HUNK: variants seen among roughly 807,000 people sequenced by gnomAD.
HUNK encodes hormonally up-regulated neu tumor-associated kinase.
Under a neutral mutation model 61.0 loss-of-function variants are expected in HUNK, and 21 were observed. The observed-to-expected ratio is 0.34, with a 90% CI of 0.24 to 0.50. The LOEUF is 0.50. HUNK is among the 20% of genes least tolerant of loss of function. The pLI is 0.98. For missense variants in HUNK, 772 were observed against 945.7 expected (o/e 0.82, Z 2.41); for synonymous variants, 371 against 386.1 (o/e 0.96, Z 0.46).
intron 2 of HUNK, among the ~76,000 whole-genome samples, chr21:31,927,181 C>G (rs2052666772): frequency 6.6e-6 from 1 of 151,954 alleles, no homozygotes; most frequent in South Asian, 2.1e-4. Flanking sequence ...GCTGGGATTA[C>G]AGGCACGTGC....
At chr21:31,960,389 T>G (rs2052919087) in intron 5 of HUNK, among the ~76,000 whole-genome samples, 2 of 152,202 alleles carry the variant, frequency 1.3e-5, no homozygotes, top group South Asian at 4.1e-4. Context: ...AGGTTTTTTT[T>G]TTTTTAACAA....
chr21:31,992,042 A>G (rs1220916729), intron 9 of HUNK, among the ~76,000 whole-genome samples: 3 of 152,222 alleles, frequency 2.0e-5, no homozygotes, highest in Non-Finnish European at 4.4e-5. Flanking sequence ...CCAACACATT[A>G]TGGAGAGAGC....
chr21:31,893,093 C>A (rs1408514407), intron 1 of HUNK, among the ~76,000 whole-genome samples: 1 of 152,088 alleles, frequency 6.6e-6, no homozygotes, highest in East Asian at 1.9e-4. Flanking sequence ...GACAGAGTAG[C>A]AGGAGGAAAA....
chr21:31,974,869 C>T (rs2053037847), intron 7 of HUNK, 152 bp downstream of exon 7: 3 of 694,262 alleles, frequency 4.3e-6, no homozygotes, highest in Non-Finnish European at 6.7e-6. Context: ...AAAGTCGTAG[C>T]TAAACCTGCT....
chr21:31,966,366 A>G (rs1051549319), intron 5 of HUNK, among the ~76,000 whole-genome samples: 2 of 152,086 alleles, frequency 1.3e-5, no homozygotes, highest in Non-Finnish European at 2.9e-5. Flanking sequence ...TATTTTTGCA[A>G]TTGTGAATTG....
Position 31,873,696 on chromosome 21 carries a change from G to T in HUNK, c.22G>T (p.Gly8Trp). 1 of 1,106,328 alleles carries T rather than the reference G, an allele frequency of 9.0e-7. No individual in the cohort carries two copies. The highest frequency in any genetic ancestry group is 1.1e-6 in the Non-Finnish European group (1 of 907,954). The allele number at this position is 1,106,328 out of a possible 1,614,324, so 68.5% of individuals were successfully genotyped here. Residue 8 changes from glycine (G) to tryptophan (W), a missense_variant, in exon 1 of 11, where the codon GGG becomes TGG. Around this residue, in one of 2 missense-constraint regions of HUNK, gnomAD observed 359 missense variants for 501.3 expected, o/e 0.72. Transcript: ENST00000270112. This position sits in a 1 kb window ranked among gnomAD's most constrained non-coding sequence, Gnocchi z 6.1. ...CGCGATGCCGGCGGCGGCGGGGGAC[G>T]GGCTCCTGGGGGAGCCGGCGGCGCC... MPAAAGD[G>W]LLGEPAAPGG...
chr21:31,987,312 A>T (rs756717090), intron 8 of HUNK, among the ~76,000 whole-genome samples: 3 of 152,180 alleles, frequency 2.0e-5, no homozygotes, highest in African/African-American at 4.8e-5. Context: ...AGTCCAGGGG[A>T]TGCAGAATTC....
At chr21:31,905,848 C>T (rs936098791) in intron 1 of HUNK, among the ~76,000 whole-genome samples, 5 of 152,188 alleles carry the variant, frequency 3.3e-5, no homozygotes, top group South Asian at 2.1e-4. Flanking sequence ...AAGGAAGCCT[C>T]GTGTTCTCAT....
In HUNK at chr21:31,939,399, G is replaced by GTTTTTTTTT. The variant is rs398036365; in HGVS notation, c.555-748_555-740dup. On this transcript the variant is annotated intron_variant, in intron 2 of 10. Coordinates refer to ENST00000270112, the MANE Select transcript of HUNK (RefSeq NM_014586.2). ...TCATCAATTAAGTTGGCTTTCATGT[G>GTTTTTTTTT]TTTTTTTTTTTTTTTTTTTTTTTTT... is the stretch of plus-strand genomic sequence containing the variant. 9.0e-5 allele frequency among the ~76,000 whole-genome samples: 6 copies of GTTTTTTTTT among 66,732 alleles called. 1 individual carries two copies. Among genetic ancestry groups the GTTTTTTTTT allele is most frequent in the African/African-American group, 2.8e-4 (4 of 14,068 alleles). The allele number at this position is 66,732 out of a possible 152,430, so 43.8% of individuals were successfully genotyped here.
chr21:31,881,488 G>A (rs184170476), intron 1 of HUNK, among the ~76,000 whole-genome samples: 1 of 152,118 alleles, frequency 6.6e-6, no homozygotes, highest in Non-Finnish European at 1.5e-5. Flanking sequence ...AATTAGCCAA[G>A]TGTGTGTTCC....
intron 1 of HUNK, among the ~76,000 whole-genome samples, chr21:31,882,187 G>T (rs149812520): frequency 7.7e-4 from 118 of 152,300 alleles, no homozygotes; most frequent in African/African-American, 2.6e-3. Context: ...ACTACTCAGG[G>T]TAGAGCCATC....
At chr21:31,900,239 C>G (rs903708570) in intron 1 of HUNK, among the ~76,000 whole-genome samples, 4 of 152,148 alleles carry the variant, frequency 2.6e-5, no homozygotes, top group African/African-American at 9.7e-5. Flanking sequence ...ACCCTCCTAG[C>G]TCCTTCCAGC....
intron 10 of HUNK, among the ~76,000 whole-genome samples, chr21:31,998,032 C>T (rs1418095907): frequency 1.3e-5 from 2 of 152,190 alleles, no homozygotes; most frequent in Non-Finnish European, 1.5e-5. Context: ...ATCCTCCCAC[C>T]TCAGCCTCCC....
chr21:31,991,846 G>A (rs548023997), intron 9 of HUNK, among the ~76,000 whole-genome samples: 47 of 152,314 alleles, frequency 3.1e-4, no homozygotes, highest in African/African-American at 1.0e-3. Flanking sequence ...TCCATCCTCC[G>A]GCCTGGGGTG....
At chr21:31,938,265 G>A (rs569345759) in intron 2 of HUNK, among the ~76,000 whole-genome samples, 11 of 152,202 alleles carry the variant, frequency 7.2e-5, no homozygotes, top group African/African-American at 2.4e-4. Context: ...TCTTTCCCCC[G>A]CACCACTTCT....
Position 32,000,512 on chromosome 21 carries a change from A to C in HUNK, c.*1328A>C, listed in dbSNP as rs988453225. On this transcript the variant is annotated 3_prime_UTR_variant, in exon 11 of 11. Coordinates refer to ENST00000270112, the MANE Select transcript of HUNK (RefSeq NM_014586.2). ...TGACAGGGTGCAGTCATTGGTGAGA[A>C]GAATCAGAAAAAGAAGACCCATCAG... 1 of 399,066 alleles carries C rather than the reference A, an allele frequency of 2.5e-6. No homozygotes were observed. The highest frequency in any genetic ancestry group is 4.4e-6 in the Non-Finnish European group (1 of 226,172). The allele number at this position is 399,066 out of a possible 1,614,324, so 24.7% of individuals were successfully genotyped here. A position where few individuals can be genotyped will look rare whatever the true frequency, so the allele number is the denominator to read the frequency against.
In HUNK at chr21:31,924,608, C is replaced by T. The variant is rs1304809021; in HGVS notation, c.402C>T (p.Asn134=). ...TQLLDILETE[N]SYYLVMELCP... ...TCCTTGATATTTTAGAAACGGAAAA[C>T]AGCTACTACCTGGTCATGGAGCTGT... Residue 134 remains asparagine, a synonymous_variant, in exon 2 of 11, where the codon AAC becomes AAT. Coordinates refer to ENST00000270112, the MANE Select transcript of HUNK (RefSeq NM_014586.2). This position sits in a 1 kb window ranked among gnomAD's most constrained non-coding sequence, Gnocchi z 5.1. 4 of 1,614,132 alleles carry T rather than the reference C, an allele frequency of 2.5e-6. 1 individual carries two copies. In the South Asian group the frequency reaches 3.3e-5, roughly 13 times the overall value.
At position 31,921,266 on chromosome 21, in the gene HUNK, C is replaced by G. The variant is rs191704963; in HGVS notation, c.262-3202C>G. On this transcript the variant is annotated intron_variant, in intron 1 of 10. Transcript: ENST00000270112. ...CTTTGGTGATTCCATTGGTTAGTCA[C>G]TATTAGTCACTTGCTGTTTATGAAG... Among the ~76,000 whole-genome samples, 1,121 of 150,490 alleles carry G rather than the reference C, an allele frequency of 7.4e-3. 13 individuals carry two copies. Among genetic ancestry groups the G allele is most frequent in the Middle Eastern group, 6.9e-3 (2 of 290 alleles).
intron 3 of HUNK, 124 bp from the exon 4 acceptor site, chr21:31,945,912 A>G (rs1443774967): frequency 3.3e-5 from 31 of 946,376 alleles, no homozygotes; most frequent in Non-Finnish European, 4.6e-5. Flanking sequence ...AGGATGCTAA[A>G]TGATGTGTTA....
Sources: allele counts gnomAD v4.1 joint callset (sites outside exome capture counted in the v4.1 genomes callset), GRCh38; gene constraint gnomAD v4.1.1; regional missense constraint gnomAD v4.1.1; non-coding constraint Gnocchi (gnomAD v3.1); transcripts MANE v1.5; gene names NCBI Gene and HGNC (gene_info 2026-07-23, HGNC 2026-07-21).